The following ACOX2 variants were observed in gnomAD, a reference collection of about 807,000 sequenced individuals.
The protein encoded by ACOX2 is acyl-CoA oxidase 2.
In ACOX2, 59 loss-of-function variants were observed where a neutral mutation model predicts 77.5. That is an observed-to-expected ratio of 0.76 (90% CI 0.62 to 0.95). The LOEUF (loss-of-function observed/expected upper bound fraction) is 0.95, where lower values mean the gene tolerates loss of function less well. ACOX2 is among the 40% of genes least tolerant of loss of function. The pLI, the probability that ACOX2 is intolerant of heterozygous loss-of-function variation, is 0.00. For missense variants in ACOX2, 837 were observed against 880.4 expected (o/e 0.95, Z 0.62); for synonymous variants, 317 against 340.1 (o/e 0.93, Z 0.75).
In ACOX2 at chr3:58,535,146, C is replaced by G; in HGVS notation, c.-40G>C. On this transcript the variant is annotated 5_prime_UTR_variant, in exon 2 of 15. Transcript: ENST00000302819. This position sits in a 1 kb window ranked among gnomAD's most constrained non-coding sequence, Gnocchi z 4.8. ...GTCTGGTGACTATGGAGAGACACTT[C>G]CAACCCGGCTGCTCCGAGGGTCTGC... is the stretch of plus-strand genomic sequence containing the variant. The G allele has an allele frequency of 1.2e-6, 2 of 1,613,468 alleles. No individual in the cohort carries two copies. Among genetic ancestry groups the G allele is most frequent in the South Asian group, 2.2e-5 (2 of 91,048 alleles).
At position 58,534,395 on chromosome 3, in the gene ACOX2, C is replaced by A; in HGVS notation, c.288G>T (p.Trp96Cys). The change falls in exon 3 of 15, where the codon TGG becomes TGT. Residue 96 changes from tryptophan (W) to cysteine (C), a missense_variant. Trp to Cys is a radical substitution (Grantham distance 215). Transcript: ENST00000302819. This position sits in a 1 kb window ranked among gnomAD's most constrained non-coding sequence, Gnocchi z 4.8. ...AGCCTAATTCACGACCATCTTCTAA[C>A]CAACCCAGGCGCCGAGCTATCAACC... The part of the protein sequence containing the change: ...HIRLIARRLG[W>C]LEDGRELGYA... 1 of 1,614,228 alleles carries A rather than the reference C, an allele frequency of 6.2e-7. No individual in the cohort carries two copies. Among genetic ancestry groups the A allele is most frequent in the Non-Finnish European group, 8.5e-7 (1 of 1,180,046 alleles).
At chr3:58,527,799 C>T (rs532591476) in intron 9 of ACOX2, among the ~76,000 whole-genome samples, 1 of 152,242 alleles carries the variant, frequency 6.6e-6, no homozygotes, top group South Asian at 2.1e-4. Context: ...AAGGAATCCT[C>T]CCACCTCAGC....
rs563022733 is a variant in ACOX2, at chr3:58,526,265, G to A, written c.1346+201C>T. ...GGATAGAAGCAAGAGACCAGGGAGG[G>A]GTCTGAGGCTGTGGTGGAGGTGAGA... On this transcript the variant is annotated intron_variant, in intron 10 of 14. Transcript: ENST00000302819. The surrounding 1 kb of genome is among the most constrained non-coding windows in gnomAD (Gnocchi z 4.3). 3.3e-5 allele frequency among the ~76,000 whole-genome samples: 5 copies of A among 152,318 alleles called. No homozygotes were observed. In the South Asian group the frequency reaches 1.0e-3, roughly 32 times the overall value.
At chr3:58,511,235 T>C (rs1200054483) in intron 13 of ACOX2, 2 of 325,638 alleles carry the variant, frequency 6.1e-6, no homozygotes, top group Non-Finnish European at 1.2e-5. Context: ...AACATCAAAA[T>C]TCCCCTCAGG....
Position 58,522,190 on chromosome 3 carries a change from G to A in ACOX2, c.1632+306C>T, listed in dbSNP as rs937345739. ...AGTGGAAATGGAATCAGACATCCAA[G>A]GATTGCCTGTGGGGCTAAGGGGAGA... On this transcript the variant is annotated intron_variant, in intron 12 of 14. Transcript: ENST00000302819. This position sits in a 1 kb window ranked among gnomAD's most constrained non-coding sequence, Gnocchi z 4.3. Among the ~76,000 whole-genome samples the A allele has an allele frequency of 6.6e-6, 1 of 152,194 alleles. No individual in the cohort carries two copies. The highest frequency in any genetic ancestry group is 2.4e-5 in the African/African-American group (1 of 41,442).
rs2108006122 is a variant in ACOX2, at chr3:58,528,642, C to T, written c.1155+152G>A. On this transcript the variant is annotated intron_variant, in intron 9 of 14. Transcript: ENST00000302819. This position sits in a 1 kb window ranked among gnomAD's most constrained non-coding sequence, Gnocchi z 5.6. ...GTGGGTAAATTTATATACCAGGGTG[C>T]CGTTCACCCAGACGCCCTGGGATGC... 1 of 933,974 alleles carries T rather than the reference C, an allele frequency of 1.1e-6. No individual in the cohort carries two copies. Among genetic ancestry groups the T allele is most frequent in the Non-Finnish European group, 1.5e-6 (1 of 667,444 alleles). 57.9% of individuals were successfully genotyped at this position (933,974 alleles called of 1,614,324 possible). A position where few individuals can be genotyped will look rare whatever the true frequency, so the allele number is the denominator to read the frequency against.
rs2063399538 is a variant in ACOX2, at chr3:58,526,887, C to T, written c.1156-231G>A. 3 of 483,186 alleles carry T rather than the reference C, an allele frequency of 6.2e-6. No homozygotes were observed. The highest frequency in any genetic ancestry group is 3.8e-5 in the Admixed American group (1 of 26,650). 29.9% of individuals were successfully genotyped at this position (483,186 alleles called of 1,614,324 possible). A position where few individuals can be genotyped will look rare whatever the true frequency, so the allele number is the denominator to read the frequency against. On this transcript the variant is annotated intron_variant, in intron 9 of 14. Transcript: ENST00000302819. The surrounding 1 kb of genome is among the most constrained non-coding windows in gnomAD (Gnocchi z 4.3). ...GTAGGGGCATAAGAGTGAAGGAAAACCTGGCCTGGCCAGTGTCTCCAGGAT... is the reference window on the plus strand; with the variant it reads ...GTAGGGGCATAAGAGTGAAGGAAAATCTGGCCTGGCCAGTGTCTCCAGGAT...
chr3:58,516,317 C>G (rs934631285), intron 13 of ACOX2, among the ~76,000 whole-genome samples: 1 of 152,172 alleles, frequency 6.6e-6, no homozygotes, highest in Non-Finnish European at 1.5e-5. Context: ...ATACCTCAAC[C>G]TTAACCTTAA....
Position 58,509,063 on chromosome 3 carries a change from T to C in ACOX2, c.1851-38A>G, listed in dbSNP as rs777700413. On this transcript the variant is annotated intron_variant, in intron 13 of 14. Coordinates refer to ENST00000302819, the MANE Select transcript of ACOX2 (RefSeq NM_003500.4). ...ACAAGAGTTTGTAAGTATTTTAGAT[T>C]GCTCTTATGAATCAAACTAGTCTTG... 7 of 1,607,338 alleles carry C rather than the reference T, an allele frequency of 4.4e-6. No homozygotes were observed. The African/African-American group carries it at 6.7e-5, about 15-fold the overall frequency.
chr3:58,532,933 C>T (rs1050688555), intron 5 of ACOX2, among the ~76,000 whole-genome samples: 2 of 152,182 alleles, frequency 1.3e-5, no homozygotes, highest in East Asian at 3.9e-4. Context: ...TGGCCGCCAC[C>T]TGGTGGCCAC....
At chr3:58,518,677 G>A (rs774965457) in intron 12 of ACOX2, among the ~76,000 whole-genome samples, 2 of 152,166 alleles carry the variant, frequency 1.3e-5, no homozygotes, top group African/African-American at 4.8e-5. Context: ...TGTCACCCAG[G>A]CTGAAGAGCA....
In ACOX2 at chr3:58,531,585, A is replaced by G. The variant is rs1178525114; in HGVS notation, c.703+108T>C. On this transcript the variant is annotated intron_variant, in intron 6 of 14. Coordinates refer to ENST00000302819, the MANE Select transcript of ACOX2 (RefSeq NM_003500.4). The surrounding 1 kb of genome is among the most constrained non-coding windows in gnomAD (Gnocchi z 5.8). ...GTCCAACTGGACCGCTCCCTGCCCA[A>G]GGGAGACATGTCTTAGCTACTCCTG... is the stretch of plus-strand genomic sequence containing the variant. The G allele has an allele frequency of 6.7e-7, 1 of 1,501,244 alleles. No homozygotes were observed. Among genetic ancestry groups the G allele is most frequent in the Non-Finnish European group, 9.0e-7 (1 of 1,111,952 alleles). 93.0% of individuals were successfully genotyped at this position (1,501,244 alleles called of 1,614,324 possible).
In ACOX2 at chr3:58,526,375, T is replaced by C. The variant is rs542084848; in HGVS notation, c.1346+91A>G. 79 of 1,415,316 alleles carry C rather than the reference T, an allele frequency of 5.6e-5. No individual in the cohort carries two copies. In the African/African-American group the frequency reaches 1.1e-3, roughly 19 times the overall value. 87.7% of individuals were successfully genotyped at this position (1,415,316 alleles called of 1,614,324 possible). The stretch of plus-strand genomic sequence containing the variant: ...ATAGCACTTCGCAAAGCCTGCTCTT[T>C]TTATGGGCCTCAGACGGAACCCTCC... On this transcript the variant is annotated intron_variant, in intron 10 of 14. Coordinates refer to ENST00000302819, the MANE Select transcript of ACOX2 (RefSeq NM_003500.4). The surrounding 1 kb of genome is among the most constrained non-coding windows in gnomAD (Gnocchi z 4.3).
At position 58,533,340 on chromosome 3, in the gene ACOX2, G is replaced by T; in HGVS notation, c.583+105C>A. On this transcript the variant is annotated intron_variant, in intron 5 of 14. Transcript: ENST00000302819. The surrounding 1 kb of genome is among the most constrained non-coding windows in gnomAD (Gnocchi z 5.6). The stretch of plus-strand genomic sequence containing the variant: ...TGCCCAAGGTCAGCAGCCTAGAACA[G>T]AAAATCAATCTGAGGTCTGTTGGAC... 9.2e-7 allele frequency: 1 copy of T among 1,083,114 alleles called. No homozygotes were observed. The highest frequency in any genetic ancestry group is 1.4e-6 in the Non-Finnish European group (1 of 725,926). The allele number at this position is 1,083,114 out of a possible 1,614,324, so 67.1% of individuals were successfully genotyped here.
chr3:58,521,301 C>T lies in ACOX2; in HGVS notation c.1632+1195G>A, dbSNP rs1475729832. 2.0e-5 allele frequency among the ~76,000 whole-genome samples: 3 copies of T among 152,228 alleles called. No homozygotes were observed. The highest frequency in any genetic ancestry group is 7.2e-5 in the African/African-American group (3 of 41,452). On this transcript the variant is annotated intron_variant, in intron 12 of 14. Transcript: ENST00000302819. This position sits in a 1 kb window ranked among gnomAD's most constrained non-coding sequence, Gnocchi z 4.8. ...CAGCCCTGTCCCACGAGGGCCTCTG[C>T]AGCCCTTCAGGGCTCTCCTGTTCCA...
At chr3:58,508,505 A>T (rs1327530834) in intron 14 of ACOX2, among the ~76,000 whole-genome samples, 2 of 152,186 alleles carry the variant, frequency 1.3e-5, no homozygotes, top group South Asian at 2.1e-4. Context: ...CACAAAACTG[A>T]AAGTTAAAAG....
chr3:58,522,933 A>G lies in ACOX2; in HGVS notation c.1527-332T>C, dbSNP rs2063369976. ...GGCCAGGAGCTGTCCCCTATTTCTA[A>G]TGCAGATTCCAGCCTCACACCAGTA... On this transcript the variant is annotated intron_variant, in intron 11 of 14. Coordinates refer to ENST00000302819, the MANE Select transcript of ACOX2 (RefSeq NM_003500.4). The surrounding 1 kb of genome is among the most constrained non-coding windows in gnomAD (Gnocchi z 4.3). The G allele has an allele frequency of 7.2e-6, 2 of 278,722 alleles. No individual in the cohort carries two copies. The highest frequency in any genetic ancestry group is 4.3e-5 in the African/African-American group (2 of 46,198). The allele number at this position is 278,722 out of a possible 1,614,324, so 17.3% of individuals were successfully genotyped here.
intron 14 of ACOX2, among the ~76,000 whole-genome samples, chr3:58,507,661 G>A (rs2063244951): frequency 6.6e-6 from 1 of 152,180 alleles, no homozygotes; most frequent in Non-Finnish European, 1.5e-5. Flanking sequence ...GTATTTTTAT[G>A]CCAAGATTGA....
chr3:58,510,656 A>AG lies in ACOX2; in HGVS notation c.1851-1632_1851-1631insC, dbSNP rs2063273763. 8.7e-4 allele frequency among the ~76,000 whole-genome samples: 29 copies of AG among 33,452 alleles called. 1 individual carries two copies. Among genetic ancestry groups the AG allele is most frequent in the African/African-American group, 3.6e-3 (27 of 7,562 alleles). 21.9% of individuals were successfully genotyped at this position (33,452 alleles called of 152,430 possible). On this transcript the variant is annotated intron_variant, in intron 13 of 14. Transcript: ENST00000302819. The stretch of plus-strand genomic sequence containing the variant: ...TCAAAAAAAAAAAAAAAAAAAAAAA[A>AG]AAAAAAAATATATATATATATATAT...
Sources: allele counts gnomAD v4.1 joint callset (sites outside exome capture counted in the v4.1 genomes callset), GRCh38; gene constraint gnomAD v4.1.1; non-coding constraint Gnocchi (gnomAD v3.1); transcripts MANE v1.5; gene names NCBI Gene and HGNC (gene_info 2026-07-23, HGNC 2026-07-21).